The following MEGF11 variants were observed in gnomAD, a reference collection of about 807,000 sequenced individuals.
MEGF11 encodes multiple EGF like domains 11.
A neutral mutation model predicts 146.6 loss-of-function variants in MEGF11; 126 were observed. That is an observed-to-expected ratio of 0.86 (90% CI 0.74 to 1.00). MEGF11 has a LOEUF of 1.00. Ranked by LOEUF, MEGF11 falls within the 50% of genes least tolerant of loss-of-function variation. The pLI is 0.00. For missense variants in MEGF11, 1,509 were observed against 1,521.2 expected (o/e 0.99, Z 0.13); for synonymous variants, 532 against 583.4 (o/e 0.91, Z 1.27).
At chr15:65,939,803 CT>C in intron 10 of MEGF11, among the ~76,000 whole-genome samples, 1 of 152,246 alleles carries the variant, frequency 6.6e-6, no homozygotes, top group South Asian at 2.1e-4. Context: ...CTCTTTAACT[CT>C]CCCCCAGCCC....
At chr15:66,030,033 G>A (rs2083461244) in intron 5 of MEGF11, among the ~76,000 whole-genome samples, 1 of 152,190 alleles carries the variant, frequency 6.6e-6, no homozygotes, top group East Asian at 1.9e-4. Context: ...TGTTATCTCA[G>A]CGCTAAGCGG....
At chr15:65,909,536 C>T (rs1432232639) in intron 22 of MEGF11, among the ~76,000 whole-genome samples, 2 of 152,102 alleles carry the variant, frequency 1.3e-5, no homozygotes, top group Non-Finnish European at 2.9e-5. Context: ...CTTATGGTCC[C>T]TGGGTCATAG....
chr15:65,944,402 C>T (rs1299678112), intron 10 of MEGF11, among the ~76,000 whole-genome samples: 4 of 151,980 alleles, frequency 2.6e-5, no homozygotes, highest in African/African-American at 7.3e-5. Flanking sequence ...CAAGGGTATT[C>T]GAGGGAATGG....
At chr15:65,938,026 G>T (rs778976893) in intron 10 of MEGF11, among the ~76,000 whole-genome samples, 16 of 152,238 alleles carry the variant, frequency 1.1e-4, no homozygotes, top group Non-Finnish European at 2.1e-4. Flanking sequence ...AAAGGTGTGA[G>T]GAATGGTAGG....
chr15:66,163,310 C>T (rs1441554746), intron 1 of MEGF11, among the ~76,000 whole-genome samples: 6 of 152,176 alleles, frequency 3.9e-5, no homozygotes, highest in African/African-American at 1.2e-4. Flanking sequence ...ATAACCATTA[C>T]TCTATCTTTA....
intron 1 of MEGF11, among the ~76,000 whole-genome samples, chr15:66,188,249 G>A (rs2090766346): frequency 6.6e-6 from 1 of 152,038 alleles, no homozygotes; most frequent in African/African-American, 2.4e-5. Context: ...ATATATGAGA[G>A]AGAGAAGGGT....
intron 4 of MEGF11, among the ~76,000 whole-genome samples, chr15:66,096,561 ATGGCTCAGGGGC>A (rs1410081109): frequency 6.6e-6 from 1 of 152,094 alleles, no homozygotes; most frequent in Non-Finnish European, 1.5e-5. Flanking sequence ...CCCCGCCCAC[ATGGCTCAGGGGC>A]TGGCGGTGGG....
intron 5 of MEGF11, among the ~76,000 whole-genome samples, chr15:66,024,881 C>A (rs2083275514): frequency 6.6e-6 from 1 of 152,168 alleles, no homozygotes; most frequent in Non-Finnish European, 1.5e-5. Context: ...CAGAGGCGAA[C>A]TGGGTCCTGC....
At chr15:66,031,248 C>T (rs965008335) in intron 5 of MEGF11, among the ~76,000 whole-genome samples, 1 of 152,136 alleles carries the variant, frequency 6.6e-6, no homozygotes, top group African/African-American at 2.4e-5. Context: ...TCTGATATGC[C>T]CCAGTGCGTG....
chr15:66,215,397 T>C (rs1203549986), intron 1 of MEGF11, among the ~76,000 whole-genome samples: 1 of 152,198 alleles, frequency 6.6e-6, no homozygotes, highest in Non-Finnish European at 1.5e-5. Flanking sequence ...ACCTCCACTT[T>C]AATTTACACA....
intron 1 of MEGF11, among the ~76,000 whole-genome samples, chr15:66,205,850 T>C (rs965641430): frequency 5.9e-5 from 9 of 152,212 alleles, no homozygotes; most frequent in African/African-American, 1.9e-4. Flanking sequence ...TTAATTAAGA[T>C]ATAGAGTCTC....
At chr15:65,969,452 C>T (rs1357120506) in intron 8 of MEGF11, among the ~76,000 whole-genome samples, 1 of 152,154 alleles carries the variant, frequency 6.6e-6, no homozygotes, top group African/African-American at 2.4e-5. Context: ...CCACACCCCA[C>T]GTTCTATGCT....
chr15:66,154,356 T>G (rs1441875602), intron 1 of MEGF11, among the ~76,000 whole-genome samples: 1 of 152,206 alleles, frequency 6.6e-6, no homozygotes, highest in Admixed American at 6.5e-5. Context: ...AGCCATCTCT[T>G]CTGGGATCTG....
intron 10 of MEGF11, among the ~76,000 whole-genome samples, chr15:65,945,526 T>C (rs1368981819): frequency 6.6e-6 from 1 of 152,150 alleles, no homozygotes; most frequent in Non-Finnish European, 1.5e-5. Flanking sequence ...CCAGAGACTA[T>C]GTAACCTTGC....
intron 1 of MEGF11, among the ~76,000 whole-genome samples, chr15:66,218,978 G>GTA (rs1288273977): frequency 1.8e-4 from 4 of 22,592 alleles, no homozygotes; most frequent in Non-Finnish European, 2.7e-4. Flanking sequence ...ATATCCACAG[G>GTA]CAAAAAAAAA....
At chr15:66,223,110 G>T (rs1238601719) in intron 1 of MEGF11, among the ~76,000 whole-genome samples, 1 of 152,172 alleles carries the variant, frequency 6.6e-6, no homozygotes, top group Non-Finnish European at 1.5e-5. Context: ...CCAATGAATG[G>T]ATAAATAAAA....
At chr15:65,985,539 G>A (rs1199972216) in intron 5 of MEGF11, among the ~76,000 whole-genome samples, 1 of 152,202 alleles carries the variant, frequency 6.6e-6, no homozygotes, top group Middle Eastern at 3.4e-3. Context: ...TCGGTGCATC[G>A]CAGGGCATAC....
chr15:66,114,330 T>C (rs542567011), intron 4 of MEGF11, among the ~76,000 whole-genome samples: 1 of 152,278 alleles, frequency 6.6e-6, no homozygotes, highest in East Asian at 1.9e-4. Flanking sequence ...GCCTAGGACC[T>C]GGGGTGAGGC....
chr15:66,152,424 G>A (rs115987711), intron 1 of MEGF11, among the ~76,000 whole-genome samples: 2,090 of 152,264 alleles, frequency 0.014, 41 homozygotes, highest in African/African-American at 0.049. Flanking sequence ...TGCGGTGTAA[G>A]TCACCTCTCA....
Sources: allele counts gnomAD v4.1 joint callset (sites outside exome capture counted in the v4.1 genomes callset), GRCh38; gene constraint gnomAD v4.1.1; transcripts MANE v1.5; gene names NCBI Gene and HGNC (gene_info 2026-07-23, HGNC 2026-07-21).